WDR43: variants seen among roughly 807,000 people sequenced by gnomAD.
WDR43 encodes WD repeat domain 43.
WDR43 carries 13 observed loss-of-function variants against 91.4 expected under a neutral mutation model. The observed-to-expected ratio is 0.14, with a 90% CI of 0.09 to 0.23. WDR43 has a LOEUF of 0.23. Among genes scored for constraint, WDR43 ranks in the 10% least tolerant of loss-of-function variants. The probability of loss-of-function intolerance (pLI) is 1.00; values close to 1 mark genes in which losing one functional copy is unlikely to be tolerated. For missense variants in WDR43, 780 were observed against 809.4 expected, an observed-to-expected ratio of 0.96 and a Z score of 0.44; for synonymous variants, 331 against 287.9, an observed-to-expected ratio of 1.15 and a Z score of -1.51.
intron 4 of WDR43, among the ~76,000 whole-genome samples, chr2:28,913,383 T>TG (rs1337649131): frequency 2.0e-4 from 31 of 152,234 alleles, no homozygotes; most frequent in Admixed American, 2.0e-3. Context: ...CAGGCTGGAC[T>TG]GCAGTGACGC....
intron 3 of WDR43, among the ~76,000 whole-genome samples, chr2:28,912,317 T>A (rs2148184071): frequency 6.6e-6 from 1 of 152,292 alleles, no homozygotes; most frequent in South Asian, 2.1e-4. Context: ...CTTATCACTC[T>A]CACTCACTCA....
rs1455274626 is a variant in WDR43 at position 28,947,912 on chromosome 2, T to C, written c.*1133T>C. The C allele has an allele frequency of 4.7e-5, 7 of 148,922 alleles. No individual in the cohort carries two copies. Among genetic ancestry groups the C allele is most frequent in the Middle Eastern group, 3.4e-3 (1 of 294 alleles). 9.2% of individuals were successfully genotyped at this position (148,922 alleles called of 1,614,324 possible). ...TTTAAAGAATGAGCCGATATTGGCT[T>C]AGTGCTCACTAGGGGACATGCACAT... is the stretch of plus-strand genomic sequence containing the variant. On this transcript the variant is annotated 3_prime_UTR_variant, in exon 18 of 18. Transcript: ENST00000407426.
chr2:28,935,602 C>A lies in WDR43; in HGVS notation c.1519C>A (p.Gln507Lys), dbSNP rs750579705. Residue 507 changes from glutamine (Q) to lysine (K), a missense_variant, in exon 12 of 18, where the codon CAA becomes AAA. Gln to Lys is a moderately conservative substitution (Grantham distance 53). Around this residue, in one of 4 missense-constraint regions of WDR43, gnomAD observed 426 missense variants for 467.8 expected, o/e 0.91. Transcript: ENST00000407426. ...CCTGCATACTATTATTCCGTTGTTA[C>A]AAGAGGTAACTGACTGCTTTTTTCA... ...MPLHTIIPLLQELTKRLQGHP... is the reference protein window; with the variant it reads ...MPLHTIIPLLKELTKRLQGHP... 5.7e-6 allele frequency: 9 copies of A among 1,581,798 alleles called. No homozygotes were observed. Among genetic ancestry groups the A allele is most frequent in the Admixed American group, 1.8e-5 (1 of 55,262 alleles).
At chr2:28,900,183 G>T (rs1000408548) in intron 1 of WDR43, among the ~76,000 whole-genome samples, 1 of 151,968 alleles carries the variant, frequency 6.6e-6, no homozygotes, top group Non-Finnish European at 1.5e-5. Flanking sequence ...AAGATTTCAT[G>T]GAATCTTTTT....
At position 28,905,963 on chromosome 2, in the gene WDR43, T is replaced by C. The variant is rs184581043; in HGVS notation, c.364-497T>C. Among the ~76,000 whole-genome samples the C allele has an allele frequency of 2.4e-3, 362 of 152,300 alleles. 1 individual carries two copies. Among genetic ancestry groups the C allele is most frequent in the Non-Finnish European group, 4.0e-3 (275 of 68,024 alleles). ...CGTGAGCCACCACGCCTGCCCTGTT[T>C]ATCTCATTTATGATGTTGGAAAACT... is the stretch of plus-strand genomic sequence containing the variant. On this transcript the variant is annotated intron_variant, in intron 2 of 17. Transcript: ENST00000407426.
At chr2:28,903,046 ATTTC>A (rs1332705263) in intron 2 of WDR43, among the ~76,000 whole-genome samples, 1 of 152,068 alleles carries the variant, frequency 6.6e-6, no homozygotes, top group Admixed American at 6.6e-5. Context: ...TAATTTGTAT[ATTTC>A]TTTGCTTTAT....
chr2:28,929,510 A>ATTTTT lies in WDR43; in HGVS notation c.1306-65_1306-61dup, dbSNP rs569646059. On this transcript the variant is annotated intron_variant, in intron 10 of 17. Coordinates refer to ENST00000407426, the MANE Select transcript of WDR43 (RefSeq NM_015131.3). ...AATCTATTTTATTTTATTTTATTTTATTTTTTTTGTCTCCAAACTACTTTA... is the reference window on the plus strand; with the variant it reads ...AATCTATTTTATTTTATTTTATTTTATTTTTTTTTTTTTGTCTCCAAACTACTTTA... The ATTTTT allele has an allele frequency of 5.2e-4, 641 of 1,233,710 alleles. 1 individual carries two copies. The highest frequency in any genetic ancestry group is 2.6e-3 in the Middle Eastern group (13 of 4,918). The allele number at this position is 1,233,710 out of a possible 1,614,324, so 76.4% of individuals were successfully genotyped here.
At position 28,924,984 on chromosome 2, in the gene WDR43, A is replaced by C. The variant is rs769455045; in HGVS notation, c.917A>C (p.Tyr306Ser). ...CTCATTTCCCCCTCCATTTCCAGGTACTGCAAAAAGCCTTTGACTTCAAAC... is the reference window on the plus strand; with the variant it reads ...CTCATTTCCCCCTCCATTTCCAGGTCCTGCAAAAAGCCTTTGACTTCAAAC... ...VHLFEHILNG[Y>S]CKKPLTSNCT... Residue 306 changes from tyrosine (Y) to serine (S), a missense_variant and splice_region_variant, in exon 8 of 18, where the codon TAC (tyrosine) becomes TCC (serine). Tyr to Ser is a moderately radical substitution (Grantham distance 144). Transcript: ENST00000407426. 7 of 1,608,802 alleles carry C rather than the reference A, an allele frequency of 4.4e-6. No homozygotes were observed. Among genetic ancestry groups the C allele is most frequent in the Non-Finnish European group, 5.1e-6 (6 of 1,178,308 alleles).
At chr2:28,910,651 T>TAC in intron 3 of WDR43, among the ~76,000 whole-genome samples, 1 of 146,502 alleles carries the variant, frequency 6.8e-6, no homozygotes, top group East Asian at 2.1e-4. Context: ...TACATATATA[T>TAC]ACAGATAACG....
intron 9 of WDR43, 28 bp from the exon 10 acceptor site, chr2:28,927,541 T>C: frequency 6.2e-7 from 1 of 1,610,120 alleles, no homozygotes; most frequent in African/African-American, 1.3e-5. Context: ...ATTTCCTTTT[T>C]CACACTTTGG....
Position 28,941,496 on chromosome 2 carries a change from C to T in WDR43, c.1656C>T (p.Tyr552=), listed in dbSNP as rs1258412169. The T allele has an allele frequency of 4.3e-6, 7 of 1,613,454 alleles. No individual in the cohort carries two copies. The highest frequency in any genetic ancestry group is 5.9e-6 in the Non-Finnish European group (7 of 1,179,748). Residue 552 remains tyrosine (Y), a synonymous_variant, in exon 15 of 18, where the codon TAC becomes TAT. Transcript: ENST00000407426. The part of the protein sequence containing the change: ...PDLVPQLGTL[Y]QLMESRVKTF... The stretch of plus-strand genomic sequence containing the variant: ...TGGTACCCCAGCTGGGGACACTCTA[C>T]CAGTTAATGGAAAGCAGAGTCAAAA...
In WDR43 at chr2:28,927,510, A is replaced by G. The variant is rs1671163677; in HGVS notation, c.1174-59A>G. On this transcript the variant is annotated intron_variant, in intron 9 of 17. Coordinates refer to ENST00000407426, the MANE Select transcript of WDR43 (RefSeq NM_015131.3). ...TTTAAAAGCTGTTTTCTCATTGAGG[A>G]TACTTAAGGACTAAGGTATGATTTC... 5.1e-6 allele frequency: 8 copies of G among 1,579,688 alleles called. No individual in the cohort carries two copies. The South Asian group carries it at 9.3e-5, about 18-fold the overall frequency.
intron 10 of WDR43, 112 bp from the exon 11 acceptor site, chr2:28,929,467 T>C: frequency 9.7e-7 from 1 of 1,032,920 alleles, no homozygotes; most frequent in East Asian, 3.0e-5. Flanking sequence ...TATTAGTGTT[T>C]TCTAGGGTTG....
intron 2 of WDR43, among the ~76,000 whole-genome samples, chr2:28,905,461 A>G (rs1253027935): frequency 6.6e-6 from 1 of 152,158 alleles, no homozygotes; most frequent in South Asian, 2.1e-4. Context: ...TTTAGTGTTT[A>G]CCTGAAGTAA....
At chr2:28,901,454 G>A (rs1246859810) in intron 1 of WDR43, among the ~76,000 whole-genome samples, 1 of 152,198 alleles carries the variant, frequency 6.6e-6, no homozygotes, top group African/African-American at 2.4e-5. Context: ...ACTAGTTAAA[G>A]CTATTTGTTG....
chr2:28,923,046 C>A, intron 7 of WDR43, 63 bp downstream of exon 7: 1 of 1,371,726 alleles, frequency 7.3e-7, no homozygotes, highest in South Asian at 1.3e-5. Flanking sequence ...CTTGGTCATA[C>A]TCCCACCTGG....
At chr2:28,906,352 T>C in intron 2 of WDR43, 108 bp from the exon 3 acceptor site, 3 of 1,127,712 alleles carry the variant, frequency 2.7e-6, no homozygotes, top group Non-Finnish European at 3.6e-6. Context: ...CCAGGAGCAC[T>C]GGCTCATGCC....
chr2:28,940,520 G>A (rs1412462146), intron 14 of WDR43, among the ~76,000 whole-genome samples: 4 of 152,144 alleles, frequency 2.6e-5, no homozygotes, highest in African/African-American at 4.8e-5. Flanking sequence ...ATGAGCCACC[G>A]CGCCCAGCTG....
At chr2:28,896,271 A>G (rs1670479710) in intron 1 of WDR43, among the ~76,000 whole-genome samples, 1 of 152,130 alleles carries the variant, frequency 6.6e-6, no homozygotes, top group African/African-American at 2.4e-5. Flanking sequence ...TATTGTCTAT[A>G]TTTGATTCTA....
Sources: gnomAD v4.1 joint callset for allele counts (sites outside exome capture counted in the v4.1 genomes callset) on GRCh38, gnomAD v4.1.1 for gene constraint, gnomAD v4.1.1 regional missense constraint, MANE v1.5 for transcripts, NCBI Gene and HGNC (gene_info 2026-07-23, HGNC 2026-07-21) for gene names.